CRIM1: variants seen among roughly 807,000 people sequenced by gnomAD.
CRIM1 encodes cysteine-rich motor neuron 1 protein.
CRIM1 carries 32 observed loss-of-function variants against 116.4 expected under a neutral mutation model. The observed-to-expected ratio is 0.27, with a 90% CI of 0.21 to 0.37. The LOEUF (loss-of-function observed/expected upper bound fraction) is 0.37, where lower values mean the gene tolerates loss of function less well. Among genes scored for constraint, CRIM1 ranks in the 10% least tolerant of loss-of-function variants. The pLI is 1.00. For missense variants in CRIM1, 1,331 were observed against 1,354.8 expected (o/e 0.98, Z 0.28); for synonymous variants, 590 against 509.2 (o/e 1.16, Z -2.13).
chr2:36,486,072 C>A (rs1410448797), intron 7 of CRIM1, among the ~76,000 whole-genome samples: 1 of 152,132 alleles, frequency 6.6e-6, no homozygotes, highest in East Asian at 1.9e-4. Flanking sequence ...TGATTTTTCT[C>A]TGATCATTTA....
intron 2 of CRIM1, among the ~76,000 whole-genome samples, chr2:36,411,850 TA>T (rs1673234110): frequency 6.6e-6 from 1 of 152,172 alleles, no homozygotes; most frequent in Non-Finnish European, 1.5e-5. Context: ...ATCGATGTAA[TA>T]TTATGCACTT....
Position 36,537,499 on chromosome 2 carries a change from G to C in CRIM1, c.2576G>C (p.Cys859Ser). The change falls in exon 14 of 17, where the codon TGT becomes TCT. Residue 859 changes from cysteine to serine, a missense_variant. Transcript: ENST00000280527. ...CSTVSCPPLP[C>S]VEPINVEGSC... is the part of the protein sequence containing the mutation. ...ACCGTCAGCTGCCCCCCTCTGCCCT[G>C]TGTTGAGCCCATCAACGTGGAAGGA... is the stretch of plus-strand genomic sequence containing the variant. 6.2e-7 allele frequency: 1 copy of C among 1,613,982 alleles called. No homozygotes were observed. The highest frequency in any genetic ancestry group is 1.3e-5 in the African/African-American group (1 of 75,050).
intron 2 of CRIM1, among the ~76,000 whole-genome samples, chr2:36,431,324 C>A (rs1674874405): frequency 6.6e-6 from 1 of 152,098 alleles, no homozygotes; most frequent in Admixed American, 6.6e-5. Flanking sequence ...AGTATATATT[C>A]TTTTACTCTC....
At chr2:36,533,380 G>C (rs925422227) in intron 13 of CRIM1, among the ~76,000 whole-genome samples, 5 of 147,162 alleles carry the variant, frequency 3.4e-5, no homozygotes, top group African/African-American at 1.3e-4. Flanking sequence ...CTTGAGGCCA[G>C]GAGTTCAAGA....
chr2:36,384,953 A>G lies in CRIM1; in HGVS notation c.332-11661A>G, dbSNP rs185178744. On this transcript the variant is annotated intron_variant, in intron 1 of 16. Transcript: ENST00000280527. ...CCACTTAAGATGAAACTGGGCAACTAGGAAATGGTATGCCGTACATATGAA... is the reference window on the plus strand; with the variant it reads ...CCACTTAAGATGAAACTGGGCAACTGGGAAATGGTATGCCGTACATATGAA... Among the ~76,000 whole-genome samples the G allele has an allele frequency of 2.1e-3, 327 of 152,342 alleles. 1 individual carries two copies. Among genetic ancestry groups the G allele is most frequent in the Admixed American group, 5.1e-3 (78 of 15,300 alleles).
At chr2:36,512,139 A>G in intron 9 of CRIM1, 134 bp from the exon 10 acceptor site, 4 of 1,064,942 alleles carry the variant, frequency 3.8e-6, no homozygotes, top group Non-Finnish European at 1.4e-6. Flanking sequence ...CCATCACTCC[A>G]GGAATCTTTG....
At chr2:36,439,399 T>G (rs1232024337) in intron 2 of CRIM1, among the ~76,000 whole-genome samples, 3 of 152,324 alleles carry the variant, frequency 2.0e-5, no homozygotes, top group Admixed American at 2.0e-4. Flanking sequence ...GGGACCTGTT[T>G]TTCTGAATTA....
chr2:36,489,015 A>G lies in CRIM1; in HGVS notation c.1372+9321A>G, dbSNP rs146874175. Among the ~76,000 whole-genome samples, 3 of 152,298 alleles carry G rather than the reference A, an allele frequency of 2.0e-5. No individual in the cohort carries two copies. In the East Asian group the frequency reaches 5.8e-4, roughly 29 times the overall value. On this transcript the variant is annotated intron_variant, in intron 7 of 16. Coordinates refer to ENST00000280527, the MANE Select transcript of CRIM1 (RefSeq NM_016441.3). Reference sequence around the variant, plus strand: ...CTTACCTCATCCCTGACTGCAGCTTATTCTTTTCTAGCTAAAATTTACCTG... The same window carrying G: ...CTTACCTCATCCCTGACTGCAGCTTGTTCTTTTCTAGCTAAAATTTACCTG...
intron 3 of CRIM1, among the ~76,000 whole-genome samples, chr2:36,441,711 G>A (rs147940496): frequency 5.3e-5 from 8 of 152,242 alleles, no homozygotes; most frequent in South Asian, 2.1e-4. Flanking sequence ...AAGCGCCTTC[G>A]GAGAGCGAGC....
chr2:36,385,275 A>T (rs550818159), intron 1 of CRIM1, among the ~76,000 whole-genome samples: 2 of 152,354 alleles, frequency 1.3e-5, no homozygotes, highest in East Asian at 3.9e-4. Context: ...TAAAGTGCAT[A>T]GGAGTGCTGA....
intron 11 of CRIM1, among the ~76,000 whole-genome samples, chr2:36,514,058 T>A (rs1313783000): frequency 6.6e-6 from 1 of 152,234 alleles, no homozygotes; most frequent in African/African-American, 2.4e-5. Context: ...TGGGCTGATG[T>A]TCTTACATTC....
At chr2:36,424,126 C>T (rs1215620750) in intron 2 of CRIM1, among the ~76,000 whole-genome samples, 2 of 152,156 alleles carry the variant, frequency 1.3e-5, no homozygotes, top group Non-Finnish European at 2.9e-5. Flanking sequence ...AGGCCCAGTC[C>T]TCATGGAAAT....
At chr2:36,502,911 A>C (rs1164919315) in intron 8 of CRIM1, among the ~76,000 whole-genome samples, 1 of 152,184 alleles carries the variant, frequency 6.6e-6, no homozygotes, top group Admixed American at 6.5e-5. Flanking sequence ...TATTCTAATA[A>C]TATATCCATC....
At chr2:36,388,010 T>C (rs1671299439) in intron 1 of CRIM1, among the ~76,000 whole-genome samples, 1 of 152,056 alleles carries the variant, frequency 6.6e-6, no homozygotes, top group Admixed American at 6.6e-5. Context: ...TTAAACACTG[T>C]CTTAACTGTG....
intron 2 of CRIM1, among the ~76,000 whole-genome samples, chr2:36,407,512 A>G (rs192773384): frequency 6.6e-6 from 1 of 152,306 alleles, no homozygotes; most frequent in African/African-American, 2.4e-5. Flanking sequence ...AACTGGTACC[A>G]GGAAAATAAA....
chr2:36,493,941 G>C (rs1310786913), intron 7 of CRIM1, among the ~76,000 whole-genome samples: 1 of 152,020 alleles, frequency 6.6e-6, no homozygotes, highest in Non-Finnish European at 1.5e-5. Context: ...ATAATGTGAG[G>C]GTAAGACTGA....
At chr2:36,471,726 AACACACACACACAC>A (rs59120248) in intron 5 of CRIM1, among the ~76,000 whole-genome samples, 1 of 78,898 alleles carries the variant, frequency 1.3e-5, no homozygotes, top group Non-Finnish European at 2.5e-5. Context: ...GATTAGCTTA[AACACACACACACAC>A]ACACACACAC....
At chr2:36,386,299 A>C (rs1311654612) in intron 1 of CRIM1, among the ~76,000 whole-genome samples, 1 of 152,198 alleles carries the variant, frequency 6.6e-6, no homozygotes, top group East Asian at 1.9e-4. Flanking sequence ...TTATTATTTA[A>C]GTTATTATTT....
chr2:36,452,040 A>C (rs1029758158), intron 4 of CRIM1, among the ~76,000 whole-genome samples: 1 of 152,064 alleles, frequency 6.6e-6, no homozygotes, highest in Non-Finnish European at 1.5e-5. Context: ...TTATCTAATT[A>C]AGAGTGTTGT....
Sources: gnomAD v4.1 joint callset for allele counts (sites outside exome capture counted in the v4.1 genomes callset) on GRCh38, gnomAD v4.1.1 for gene constraint, MANE v1.5 for transcripts, NCBI Gene and HGNC (gene_info 2026-07-23, HGNC 2026-07-21) for gene names.